The following EVI5 variants were observed in gnomAD, a reference collection of about 807,000 sequenced individuals.
EVI5 encodes ecotropic viral integration site 5.
Under a neutral mutation model 112.0 loss-of-function variants are expected in EVI5, and 73 were observed. The observed-to-expected ratio is 0.65, with a 90% CI of 0.54 to 0.79. EVI5 has a LOEUF of 0.79. Among genes scored for constraint, EVI5 ranks in the 30% least tolerant of loss-of-function variants. The pLI, the probability that EVI5 is intolerant of heterozygous loss-of-function variation, is 0.00. For missense variants in EVI5, 900 were observed against 968.8 expected (o/e 0.93, Z 0.94); for synonymous variants, 305 against 319.9 (o/e 0.95, Z 0.50).
chr1:92,768,965 G>C (rs1426440756), intron 1 of EVI5, among the ~76,000 whole-genome samples: 1 of 152,064 alleles, frequency 6.6e-6, no homozygotes, highest in Non-Finnish European at 1.5e-5. Context: ...CCATAGCTAA[G>C]CAACTACAAA....
chr1:92,694,484 C>G (rs1669997122), intron 7 of EVI5, 96 bp from the exon 8 acceptor site: 1 of 698,908 alleles, frequency 1.4e-6, no homozygotes, highest in Non-Finnish European at 2.5e-6. Flanking sequence ...ATTTAGGGAT[C>G]TAAACTAGGG....
intron 1 of EVI5, among the ~76,000 whole-genome samples, chr1:92,737,593 G>T (rs541416758): frequency 2.7e-5 from 4 of 149,864 alleles, no homozygotes; most frequent in Middle Eastern, 3.4e-3. Context: ...TTTATATATG[G>T]CAATCCATAT....
rs1182635 is a variant in EVI5 at position 92,770,754 on chromosome 1, A to C, written c.-82+14082T>G. Among the ~76,000 whole-genome samples, 138 of 151,736 alleles carry C rather than the reference A, an allele frequency of 9.1e-4. 1 individual carries two copies. The highest frequency in any genetic ancestry group is 2.9e-3 in the African/African-American group (119 of 41,436). ...GCAGTGAGCCGAAATCGCGCCACTG[A>C]ACTCCAGCCTGGGCGACAGAGCGGG... On this transcript the variant is annotated intron_variant, in intron 1 of 19. Transcript: ENST00000684568.
chr1:92,574,924 G>A (rs10874716), intron 18 of EVI5, among the ~76,000 whole-genome samples: 140,272 of 152,256 alleles, frequency 0.92, 64,705 homozygotes, highest in East Asian at 0.97. Context: ...GCTATGTTTC[G>A]AGCCATAGGT....
Position 92,673,767 on chromosome 1 carries a change from T to C in EVI5, c.1158+3391A>G, listed in dbSNP as rs138702850. Among the ~76,000 whole-genome samples, 105 of 152,334 alleles carry C rather than the reference T, an allele frequency of 6.9e-4. 1 individual carries two copies. The highest frequency in any genetic ancestry group is 2.5e-3 in the African/African-American group (103 of 41,578). The stretch of plus-strand genomic sequence containing the variant: ...ATTTAAGATTTTCCATATGAAGACA[T>C]TATTATCAAAATCTTCCTATAACAC... On this transcript the variant is annotated intron_variant, in intron 10 of 19. Transcript: ENST00000684568.
At chr1:92,576,067 A>G (rs1671029786) in intron 18 of EVI5, among the ~76,000 whole-genome samples, 1 of 152,194 alleles carries the variant, frequency 6.6e-6, no homozygotes, top group South Asian at 2.1e-4. Flanking sequence ...GGTTGGGTAA[A>G]TCAAAGGATT....
rs80355191 is a variant in EVI5 at position 92,561,608 on chromosome 1, CCTATCTATCTATCTATCTAT to C, written c.2166+2014_2166+2033del. On this transcript the variant is annotated intron_variant, in intron 19 of 19. Transcript: ENST00000684568. ...CTATCTATCTATCTATCTAATCTAT[CCTATCTATCTATCTATCTAT>C]CTATCTATCTATCTATCTATCTATC... is the stretch of plus-strand genomic sequence containing the variant. Among the ~76,000 whole-genome samples the C allele has an allele frequency of 1.5e-3, 193 of 132,238 alleles. 1 individual carries two copies. Among genetic ancestry groups the C allele is most frequent in the African/African-American group, 4.0e-3 (139 of 34,586 alleles). 86.8% of individuals were successfully genotyped at this position (132,238 alleles called of 152,430 possible). A position where few individuals can be genotyped will look rare whatever the true frequency, so the allele number is the denominator to read the frequency against.
At chr1:92,635,213 A>T (rs1658499785) in intron 14 of EVI5, among the ~76,000 whole-genome samples, 3 of 152,192 alleles carry the variant, frequency 2.0e-5, no homozygotes, top group African/African-American at 7.2e-5. Flanking sequence ...AAGCTGACAG[A>T]CAGGGACATT....
At chr1:92,545,279 T>C (rs754526187) in intron 19 of EVI5, among the ~76,000 whole-genome samples, 58 of 152,260 alleles carry the variant, frequency 3.8e-4, no homozygotes, top group Non-Finnish European at 6.5e-4. Context: ...TCTTGCTTTG[T>C]TGCCCATGCT....
chr1:92,644,768 T>G (rs995306581), intron 13 of EVI5, among the ~76,000 whole-genome samples: 3 of 152,230 alleles, frequency 2.0e-5, no homozygotes, highest in South Asian at 4.1e-4. Flanking sequence ...CTTTTAGACT[T>G]CCTCTTTGAC....
chr1:92,696,130 C>T (rs1199276571), intron 6 of EVI5, among the ~76,000 whole-genome samples: 2 of 151,926 alleles, frequency 1.3e-5, no homozygotes, highest in Admixed American at 6.6e-5. Flanking sequence ...CAAGGTTTTG[C>T]CATGTTGCCC....
chr1:92,691,104 T>A (rs961258307), intron 9 of EVI5, among the ~76,000 whole-genome samples: 7 of 152,296 alleles, frequency 4.6e-5, no homozygotes, highest in African/African-American at 1.7e-4. Context: ...GTGGTGCTGA[T>A]CTAAATTTTT....
chr1:92,677,064 CA>C, intron 10 of EVI5, 93 bp downstream of exon 10: 1 of 786,884 alleles, frequency 1.3e-6, no homozygotes, highest in Non-Finnish European at 2.1e-6. Context: ...ATGGTAAATA[CA>C]TTTATGAATA....
At chr1:92,548,314 C>G (rs1280075453) in intron 19 of EVI5, among the ~76,000 whole-genome samples, 1 of 152,178 alleles carries the variant, frequency 6.6e-6, no homozygotes, top group Non-Finnish European at 1.5e-5. Context: ...ATGCTAAAAA[C>G]TCTCAATAAA....
At chr1:92,624,032 C>T in intron 16 of EVI5, 144 bp downstream of exon 16, 2 of 630,980 alleles carry the variant, frequency 3.2e-6, no homozygotes, top group South Asian at 2.4e-5. Flanking sequence ...AATTTTTTGC[C>T]ATCTTCATTT....
intron 2 of EVI5, among the ~76,000 whole-genome samples, chr1:92,726,804 T>C (rs1675638642): frequency 6.6e-6 from 1 of 152,162 alleles, no homozygotes; most frequent in Non-Finnish European, 1.5e-5. Flanking sequence ...GAAATGCAAG[T>C]GTGCTATTAT....
In EVI5 at chr1:92,512,452, A is replaced by G. The variant is rs1659243965; in HGVS notation, c.*1204T>C. The stretch of plus-strand genomic sequence containing the variant: ...ATGAATCTGCTAGTATTGAATGCTA[A>G]GCAAAATACTAAAGCTCTTAAAACA... On this transcript the variant is annotated 3_prime_UTR_variant, in exon 20 of 20. Coordinates refer to ENST00000684568, the MANE Select transcript of EVI5 (RefSeq NM_001350197.2). 1 of 152,252 alleles carries G rather than the reference A, an allele frequency of 6.6e-6. No individual in the cohort carries two copies. The highest frequency in any genetic ancestry group is 1.5e-5 in the Non-Finnish European group (1 of 68,038). The allele number at this position is 152,252 out of a possible 1,614,324, so 9.4% of individuals were successfully genotyped here.
At chr1:92,695,031 G>C (rs1200612470) in intron 7 of EVI5, among the ~76,000 whole-genome samples, 2 of 152,192 alleles carry the variant, frequency 1.3e-5, no homozygotes, top group East Asian at 3.8e-4. Context: ...AACTGCCTAT[G>C]TTTGAATCCT....
At chr1:92,717,841 T>A (rs868180381) in intron 2 of EVI5, among the ~76,000 whole-genome samples, 1 of 150,658 alleles carries the variant, frequency 6.6e-6, no homozygotes, top group Non-Finnish European at 1.5e-5. Flanking sequence ...AATAAAGGGA[T>A]GGAGGAAGAT....
Sources: allele counts gnomAD v4.1 joint callset (sites outside exome capture counted in the v4.1 genomes callset), GRCh38; gene constraint gnomAD v4.1.1; transcripts MANE v1.5; gene names NCBI Gene and HGNC (gene_info 2026-07-23, HGNC 2026-07-21).